Variants in GMEB2 observed in about 807,000 individuals in gnomAD.
The protein encoded by GMEB2 is glucocorticoid modulatory element binding protein 2.
In GMEB2, 7 loss-of-function variants were observed where a neutral mutation model predicts 45.7. The ratio of observed to expected loss-of-function variants is 0.15; its 90% CI spans 0.09 to 0.29. GMEB2 has a LOEUF of 0.29. Among genes scored for constraint, GMEB2 ranks in the 10% least tolerant of loss-of-function variants. The pLI, the probability that GMEB2 is intolerant of heterozygous loss-of-function variation, is 1.00. For missense variants in GMEB2, 582 were observed against 739.2 expected, an observed-to-expected ratio of 0.79 and a Z score of 2.47; for synonymous variants, 322 against 323.6, an observed-to-expected ratio of 1.00 and a Z score of 0.05.
chr20:63,589,904 G>A lies in GMEB2; in HGVS notation c.*185C>T, dbSNP rs1043147528. 1 of 439,148 alleles carries A rather than the reference G, an allele frequency of 2.3e-6. No homozygotes were observed. Among genetic ancestry groups the A allele is most frequent in the East Asian group, 3.4e-5 (1 of 29,034 alleles). 27.2% of individuals were successfully genotyped at this position (439,148 alleles called of 1,614,324 possible). A position where few individuals can be genotyped will look rare whatever the true frequency, so the allele number is the denominator to read the frequency against. On this transcript the variant is annotated 3_prime_UTR_variant, in exon 10 of 10. Coordinates refer to ENST00000370077, the MANE Select transcript of GMEB2 (RefSeq NM_012384.5). ...GTGGGACCTGAAGACCGATTTTCCA[G>A]GTTGCTCTCGCTGTTCTGTCCCCTT... is the stretch of plus-strand genomic sequence containing the variant.
intron 4 of GMEB2, among the ~76,000 whole-genome samples, chr20:63,598,366 A>ACACACT (rs1454283880): frequency 4.0e-5 from 6 of 151,724 alleles, no homozygotes; most frequent in African/African-American, 1.5e-4. Context: ...ACACACACAC[A>ACACACT]CACACACTCA....
Position 63,590,467 on chromosome 20 carries a change from C to G in GMEB2, c.1215G>C (p.Leu405=). ...SVPLGKVVST[L]PSTVLGKGSL... is the part of the protein sequence containing the mutation. The stretch of plus-strand genomic sequence containing the variant: ...AACCCTTGCCCAGGACGGTGGACGG[C>G]AGGGTGGACACCACTTTACCAAGGG... Residue 405 remains leucine, a synonymous_variant, in exon 10 of 10, where the codon CTG becomes CTC. Transcript: ENST00000370077. The G allele has an allele frequency of 4.6e-6, 7 of 1,511,568 alleles. No homozygotes were observed. The highest frequency in any genetic ancestry group is 6.2e-6 in the Non-Finnish European group (7 of 1,123,862). The allele number at this position is 1,511,568 out of a possible 1,614,324, so 93.6% of individuals were successfully genotyped here. A position where few individuals can be genotyped will look rare whatever the true frequency, so the allele number is the denominator to read the frequency against.
intron 6 of GMEB2, among the ~76,000 whole-genome samples, chr20:63,595,106 G>A (rs1014704469): frequency 3.9e-5 from 6 of 152,208 alleles, no homozygotes; most frequent in African/African-American, 1.4e-4. Flanking sequence ...CCTCTCCACA[G>A]TTTAGAGCTA....
rs75720693 is a variant in GMEB2, at chr20:63,616,558, C to A, written c.131+2709G>T. ...CCCAGAAGCGAGGAGCAGGAGGGTG[C>A]GCGCAGACGCAGAGAGCAGCAAGGT... On this transcript the variant is annotated intron_variant, in intron 2 of 9. Coordinates refer to ENST00000370077, the MANE Select transcript of GMEB2 (RefSeq NM_012384.5). 9.8e-3 allele frequency among the ~76,000 whole-genome samples: 1,496 copies of A among 152,350 alleles called. 27 individuals are homozygous for A. Among genetic ancestry groups the A allele is most frequent in the African/African-American group, 0.034 (1,429 of 41,568 alleles).
chr20:63,589,624 G>C lies in GMEB2; in HGVS notation c.*465C>G, dbSNP rs2083125955. ...TCCAGAGGTTTCACACTTGGGCTTA[G>C]CTCCCAAGTCATGAGTTAGTAACGT... On this transcript the variant is annotated 3_prime_UTR_variant, in exon 10 of 10. Transcript: ENST00000370077. 1.1e-5 allele frequency: 2 copies of C among 174,322 alleles called. No homozygotes were observed. The highest frequency in any genetic ancestry group is 2.4e-5 in the Non-Finnish European group (2 of 83,508). The allele number at this position is 174,322 out of a possible 1,614,324, so 10.8% of individuals were successfully genotyped here.
At chr20:63,612,540 TG>T (rs2089578568) in intron 2 of GMEB2, among the ~76,000 whole-genome samples, 1 of 152,198 alleles carries the variant, frequency 6.6e-6, no homozygotes, top group African/African-American at 2.4e-5. Context: ...GCCACAGAAA[TG>T]ATCTCAACGT....
At chr20:63,611,482 G>C (rs914272090) in intron 2 of GMEB2, among the ~76,000 whole-genome samples, 9 of 151,370 alleles carry the variant, frequency 5.9e-5, no homozygotes, top group African/African-American at 2.2e-4. Flanking sequence ...CGTGGTGGCG[G>C]GTGCCTGTAA....
chr20:63,618,424 G>C (rs566228200), intron 2 of GMEB2, among the ~76,000 whole-genome samples: 1 of 152,274 alleles, frequency 6.6e-6, no homozygotes, highest in African/African-American at 2.4e-5. Context: ...CACAGCAAGG[G>C]AAGAAAGGCA....
At chr20:63,604,153 G>A (rs2089499596) in intron 3 of GMEB2, among the ~76,000 whole-genome samples, 1 of 148,404 alleles carries the variant, frequency 6.7e-6, no homozygotes, top group Non-Finnish European at 1.5e-5. Context: ...ATCACATGAG[G>A]CCAGGAGTTC....
intron 9 of GMEB2, among the ~76,000 whole-genome samples, chr20:63,591,635 T>C (rs143980757): frequency 3.4e-4 from 52 of 152,286 alleles, no homozygotes; most frequent in African/African-American, 1.2e-3. Context: ...AGTTTTGTTT[T>C]GTTTTTTTCA....
chr20:63,598,556 G>A (rs1167231665), intron 4 of GMEB2, among the ~76,000 whole-genome samples: 6 of 152,138 alleles, frequency 3.9e-5, no homozygotes, highest in South Asian at 4.1e-4. Context: ...GAGGAGTCAC[G>A]AGGTCTCTGC....
At chr20:63,597,646 A>G (rs1179879100) in intron 5 of GMEB2, 111 bp downstream of exon 5, 9 of 688,398 alleles carry the variant, frequency 1.3e-5, no homozygotes, top group Non-Finnish European at 2.1e-5. Flanking sequence ...GGTTGTCAGC[A>G]CTCACCACAT....
chr20:63,612,259 C>T (rs1477539472), intron 2 of GMEB2, among the ~76,000 whole-genome samples: 2 of 152,208 alleles, frequency 1.3e-5, no homozygotes, highest in South Asian at 2.1e-4. Context: ...GCTTTCTGGC[C>T]GCATCTGGCC....
intron 1 of GMEB2, among the ~76,000 whole-genome samples, chr20:63,621,639 C>G (rs1256018392): frequency 7.7e-6 from 1 of 129,578 alleles, no homozygotes; most frequent in Non-Finnish European, 1.6e-5. Flanking sequence ...TGCACTCCAG[C>G]CTGGGCAACA....
At chr20:63,597,556 C>T (rs535453466) in intron 5 of GMEB2, among the ~76,000 whole-genome samples, 5 of 152,334 alleles carry the variant, frequency 3.3e-5, no homozygotes, top group African/African-American at 9.6e-5. Context: ...TTCTAAAAAT[C>T]TGATAGTGTC....
intron 4 of GMEB2, 147 bp downstream of exon 4, chr20:63,602,818 C>T: frequency 1.4e-6 from 1 of 693,102 alleles, no homozygotes; most frequent in Non-Finnish European, 2.4e-6. Context: ...GCGAATTCCT[C>T]TTCCTGAAGG....
At chr20:63,626,721 C>T (rs1175222705) in intron 1 of GMEB2, among the ~76,000 whole-genome samples, 9 of 149,860 alleles carry the variant, frequency 6.0e-5, no homozygotes, top group Non-Finnish European at 1.0e-4. Context: ...CCGCCCGCGG[C>T]GCCAAGATGG....
In GMEB2 at chr20:63,619,232, C is replaced by T; in HGVS notation, c.131+35G>A. ...GCCAAGGACAGCCCAACCCAAGCCC[C>T]CATCAGCCCCAATGGCACCGAGGCC... is the stretch of plus-strand genomic sequence containing the variant. On this transcript the variant is annotated intron_variant, in intron 2 of 9. Transcript: ENST00000370077. The surrounding 1 kb of genome is among the most constrained non-coding windows in gnomAD (Gnocchi z 4.6). 6.5e-7 allele frequency: 1 copy of T among 1,548,042 alleles called. No homozygotes were observed.
chr20:63,601,682 T>C (rs1045426078), intron 4 of GMEB2, among the ~76,000 whole-genome samples: 1 of 152,216 alleles, frequency 6.6e-6, no homozygotes, highest in Non-Finnish European at 1.5e-5. Flanking sequence ...GCCTCTTTTA[T>C]TTCTTAAAAT....
Sources: gnomAD v4.1 joint callset for allele counts (sites outside exome capture counted in the v4.1 genomes callset) on GRCh38, gnomAD v4.1.1 for gene constraint, Gnocchi (gnomAD v3.1) non-coding constraint, MANE v1.5 for transcripts, NCBI Gene and HGNC (gene_info 2026-07-23, HGNC 2026-07-21) for gene names.